The following ITGA2 variants were observed in gnomAD, a reference collection of about 807,000 sequenced individuals.
ITGA2 encodes the protein integrin subunit alpha 2.
A neutral mutation model predicts 146.3 loss-of-function variants in ITGA2; 101 were observed. That is an observed-to-expected ratio of 0.69 (90% confidence interval 0.59 to 0.81). The LOEUF (loss-of-function observed/expected upper bound fraction) is 0.81, where lower values mean the gene tolerates loss of function less well. Ranked by LOEUF, ITGA2 falls within the 40% of genes least tolerant of loss-of-function variation. The pLI, the probability that ITGA2 is intolerant of heterozygous loss-of-function variation, is 0.00. For synonymous variants in ITGA2, 477 were observed against 487.1 expected (o/e 0.98, Z 0.27); for missense variants, 1,281 against 1,402.7 (o/e 0.91, Z 1.39).
At chr5:53,003,720 G>A (rs1483904791) in intron 1 of ITGA2, among the ~76,000 whole-genome samples, 1 of 152,182 alleles carries the variant, frequency 6.6e-6, no homozygotes, top group Non-Finnish European at 1.5e-5. Flanking sequence ...TTCCACCTAT[G>A]GATGGGGAGT....
intron 7 of ITGA2, among the ~76,000 whole-genome samples, chr5:53,053,983 G>A (rs922747897): frequency 6.6e-6 from 1 of 152,084 alleles, no homozygotes; most frequent in African/African-American, 2.4e-5. Flanking sequence ...GTATCATAAA[G>A]AGAATGTGAC....
chr5:53,055,847 T>C, intron 8 of ITGA2, 137 bp from the exon 9 acceptor site: 3 of 1,239,082 alleles, frequency 2.4e-6, no homozygotes, highest in Non-Finnish European at 3.5e-6. Context: ...CAATCCTGTC[T>C]ACTAAATAAA....
chr5:53,032,193 A>G (rs964933713), intron 2 of ITGA2, among the ~76,000 whole-genome samples: 1 of 152,188 alleles, frequency 6.6e-6, no homozygotes, highest in African/African-American at 2.4e-5. Context: ...CCACCTATAT[A>G]TGAGCTTATA....
intron 23 of ITGA2, 94 bp downstream of exon 23, chr5:53,075,398 T>C: frequency 1.1e-6 from 1 of 906,778 alleles, no homozygotes; most frequent in South Asian, 1.4e-5. Flanking sequence ...TGTATGCTCA[T>C]TCTTAACTGA....
chr5:53,043,015 A>G (rs1743879406), intron 3 of ITGA2, among the ~76,000 whole-genome samples: 1 of 152,182 alleles, frequency 6.6e-6, no homozygotes. Flanking sequence ...CCTAATATCT[A>G]GAATAATTTA....
intron 1 of ITGA2, among the ~76,000 whole-genome samples, chr5:53,014,014 G>A (rs954835180): frequency 2.0e-5 from 3 of 152,040 alleles, no homozygotes; most frequent in Non-Finnish European, 4.4e-5. Context: ...AGAGACTATG[G>A]CATTTTCTAG....
At chr5:53,032,216 T>C (rs1389060269) in intron 2 of ITGA2, among the ~76,000 whole-genome samples, 2 of 152,198 alleles carry the variant, frequency 1.3e-5, no homozygotes, top group Non-Finnish European at 2.9e-5. Flanking sequence ...TTTAACTTTT[T>C]AATTGAGAAA....
chr5:52,990,909 C>A (rs751833186), intron 1 of ITGA2, among the ~76,000 whole-genome samples: 1 of 152,104 alleles, frequency 6.6e-6, no homozygotes, highest in Non-Finnish European at 1.5e-5. Context: ...TGGAATACAA[C>A]TAGAGCTAAT....
At chr5:53,075,416 G>T in intron 23 of ITGA2, 112 bp downstream of exon 23, 3 of 851,172 alleles carry the variant, frequency 3.5e-6, no homozygotes, top group South Asian at 1.4e-5. Context: ...TGAAGAATTT[G>T]AATTAAAATT....
At chr5:53,046,194 CAAAAAA>C (rs58926174) in intron 4 of ITGA2, among the ~76,000 whole-genome samples, 5 of 99,066 alleles carry the variant, frequency 5.0e-5, no homozygotes, top group Admixed American at 1.1e-4. Context: ...GACTCTGTCT[CAAAAAA>C]AAAAAAAAAA....
intron 1 of ITGA2, among the ~76,000 whole-genome samples, chr5:53,020,503 G>A (rs1042217606): frequency 1.3e-5 from 2 of 152,034 alleles, no homozygotes; most frequent in African/African-American, 4.8e-5. Flanking sequence ...ATGGGCCAGA[G>A]TTTCCTTTAT....
At chr5:52,993,879 A>G (rs1205406763) in intron 1 of ITGA2, among the ~76,000 whole-genome samples, 1 of 140,130 alleles carries the variant, frequency 7.1e-6, no homozygotes, top group African/African-American at 2.4e-5. Context: ...ACAGCATAAA[A>G]CAAGAGAAAC....
Position 53,071,980 on chromosome 5 carries a change from A to G in ITGA2, c.2278A>G (p.Ile760Val). Residue 760 changes from isoleucine (I) to valine (V), a missense_variant, in exon 18 of 30, where the codon ATC becomes GTC. Transcript: ENST00000296585. ...VVNSLDLRVD[I>V]SLENPGTSPA... ...CAACTCTTTGGATTTGCGTGTGGAC[A>G]TCAGTCTGGAAAACCCTGGCACTAG... The G allele has an allele frequency of 6.2e-7, 1 of 1,612,432 alleles. No individual in the cohort carries two copies. Among genetic ancestry groups the G allele is most frequent in the Non-Finnish European group, 8.5e-7 (1 of 1,178,986 alleles).
At chr5:53,037,114 T>A (rs1025790539) in intron 2 of ITGA2, among the ~76,000 whole-genome samples, 1 of 152,346 alleles carries the variant, frequency 6.6e-6, no homozygotes, top group South Asian at 2.1e-4. Flanking sequence ...AAAACTGTCC[T>A]ACCTACACCA....
chr5:53,067,990 A>G (rs1745222352), intron 16 of ITGA2, among the ~76,000 whole-genome samples: 1 of 151,912 alleles, frequency 6.6e-6, no homozygotes, highest in South Asian at 2.1e-4. Flanking sequence ...ATAGCTTGCA[A>G]TTTAACACTT....
intron 1 of ITGA2, among the ~76,000 whole-genome samples, chr5:53,019,096 CAAAT>C (rs1742544831): frequency 6.8e-6 from 1 of 147,330 alleles, no homozygotes; most frequent in Admixed American, 6.7e-5. Flanking sequence ...AAATAAACGT[CAAAT>C]AAATAAATAA....
intron 17 of ITGA2, among the ~76,000 whole-genome samples, chr5:53,071,516 C>T (rs145629734): frequency 2.6e-5 from 4 of 151,998 alleles, no homozygotes; most frequent in African/African-American, 7.2e-5. Context: ...ATAAGTCCTT[C>T]TGGGAGGACT....
At chr5:53,017,742 G>T (rs1742463989) in intron 1 of ITGA2, among the ~76,000 whole-genome samples, 1 of 152,222 alleles carries the variant, frequency 6.6e-6, no homozygotes, top group South Asian at 2.1e-4. Context: ...CAGCATAGCA[G>T]GCTGCCCACA....
At position 53,004,894 on chromosome 5, in the gene ITGA2, G is replaced by GTTTTTT. The variant is rs548541753; in HGVS notation, c.64+15396_64+15401dup. Among the ~76,000 whole-genome samples the GTTTTTT allele has an allele frequency of 7.1e-4, 40 of 55,946 alleles. 2 individuals carry two copies. Among genetic ancestry groups the GTTTTTT allele is most frequent in the African/African-American group, 2.2e-3 (24 of 10,806 alleles). The allele number at this position is 55,946 out of a possible 152,430, so 36.7% of individuals were successfully genotyped here. On this transcript the variant is annotated intron_variant, in intron 1 of 29. Transcript: ENST00000296585. The stretch of plus-strand genomic sequence containing the variant: ...TACAACTTCTAAGTTTAGTTGCTTT[G>GTTTTTT]TTTTTTTTTTTTTTTTTTTTTTTTT...
Sources: allele counts gnomAD v4.1 joint callset (sites outside exome capture counted in the v4.1 genomes callset), GRCh38; gene constraint gnomAD v4.1.1; transcripts MANE v1.5; gene names NCBI Gene and HGNC (gene_info 2026-07-23, HGNC 2026-07-21).